The following LRP1B variants were observed in gnomAD, a reference collection of about 807,000 sequenced individuals.
LRP1B encodes low-density lipoprotein receptor-related protein 1B.
A neutral mutation model predicts 556.6 loss-of-function variants in LRP1B; 217 were observed. The observed-to-expected ratio is 0.39, with a 90% confidence interval of 0.35 to 0.44. The LOEUF is 0.44. LRP1B is among the 20% of genes least tolerant of loss of function. LRP1B has a pLI of 1.00. For synonymous variants in LRP1B, 2,047 were observed against 1,865.8 expected (o/e 1.10, Z -2.50); for missense variants, 5,053 against 5,620.8 (o/e 0.90, Z 3.23).
chr2:142,090,295 T>G (rs1287019164), intron 1 of LRP1B, among the ~76,000 whole-genome samples: 5 of 152,158 alleles, frequency 3.3e-5, no homozygotes, highest in African/African-American at 1.2e-4. Flanking sequence ...TTCAAGTTTA[T>G]ATGAGGATCA....
chr2:141,053,140 A>G (rs1004900315), intron 10 of LRP1B, among the ~76,000 whole-genome samples: 1 of 151,976 alleles, frequency 6.6e-6, no homozygotes, highest in Non-Finnish European at 1.5e-5. Context: ...GTCTTCTTGT[A>G]CTACAGACAA....
At chr2:142,035,115 CT>C (rs912064461) in intron 1 of LRP1B, among the ~76,000 whole-genome samples, 2 of 151,370 alleles carry the variant, frequency 1.3e-5, no homozygotes, top group African/African-American at 2.4e-5. Context: ...TTCAACATTT[CT>C]TTTTTTTAAC....
intron 25 of LRP1B, 152 bp from the exon 26 acceptor site, chr2:140,868,415 C>G: frequency 1.6e-6 from 1 of 609,606 alleles, no homozygotes; most frequent in East Asian, 3.1e-5. Flanking sequence ...GGCTTATGGT[C>G]CAGTGGAGGA....
intron 1 of LRP1B, among the ~76,000 whole-genome samples, chr2:141,879,516 T>C (rs1335869344): frequency 1.3e-5 from 2 of 151,974 alleles, no homozygotes; most frequent in Non-Finnish European, 2.9e-5. Flanking sequence ...GGATAAGGCA[T>C]GTAAAATTTG....
chr2:141,202,117 C>A lies in LRP1B; in HGVS notation c.851-13534G>T, dbSNP rs547483368. ...TTCTTCCTGATGCTCTCCCCCACAC[C>A]CATCCCTGACAGGCCTCAGTGTGTT... On this transcript the variant is annotated intron_variant, in intron 6 of 90. Transcript: ENST00000389484. 4.6e-5 allele frequency among the ~76,000 whole-genome samples: 7 copies of A among 152,242 alleles called. No homozygotes were observed. In the South Asian group the frequency reaches 1.5e-3, roughly 32 times the overall value.
chr2:140,742,887 A>G (rs1213999761), intron 35 of LRP1B, among the ~76,000 whole-genome samples: 3 of 152,212 alleles, frequency 2.0e-5, no homozygotes, highest in African/African-American at 7.2e-5. Context: ...ATACGTAACA[A>G]TTGGTAAGAA....
chr2:141,877,467 G>A (rs1698809469), intron 1 of LRP1B, among the ~76,000 whole-genome samples: 1 of 151,944 alleles, frequency 6.6e-6, no homozygotes, highest in Non-Finnish European at 1.5e-5. Flanking sequence ...AAGCAAATAT[G>A]TCTTCTATGT....
intron 21 of LRP1B, among the ~76,000 whole-genome samples, chr2:140,920,403 C>A (rs531499709): frequency 6.6e-6 from 1 of 151,936 alleles, no homozygotes; most frequent in South Asian, 2.1e-4. Flanking sequence ...ATTCTAATTA[C>A]CATATATAAA....
At chr2:140,966,027 G>A (rs1191403052) in intron 18 of LRP1B, among the ~76,000 whole-genome samples, 2 of 152,152 alleles carry the variant, frequency 1.3e-5, no homozygotes, top group Non-Finnish European at 2.9e-5. Flanking sequence ...GTGTGCATGT[G>A]TCTTTATAGA....
chr2:140,589,377 A>C (rs978125832), intron 43 of LRP1B, among the ~76,000 whole-genome samples: 1 of 151,906 alleles, frequency 6.6e-6, no homozygotes, highest in East Asian at 1.9e-4. Context: ...TCTGGAAAGC[A>C]GTTTGTCAGT....
chr2:140,674,846 C>A (rs1365948484), intron 41 of LRP1B, among the ~76,000 whole-genome samples: 1 of 152,218 alleles, frequency 6.6e-6, no homozygotes, highest in Non-Finnish European at 1.5e-5. Context: ...TTCCAGGATA[C>A]AAAATTCCTA....
At chr2:141,100,016 C>G (rs146531427) in intron 7 of LRP1B, among the ~76,000 whole-genome samples, 3 of 152,266 alleles carry the variant, frequency 2.0e-5, no homozygotes, top group Non-Finnish European at 4.4e-5. Flanking sequence ...ATAATGACCT[C>G]TATTTTTCCT....
At chr2:140,414,794 A>C (rs1317274480) in intron 66 of LRP1B, among the ~76,000 whole-genome samples, 1 of 152,154 alleles carries the variant, frequency 6.6e-6, no homozygotes, top group East Asian at 1.9e-4. Context: ...AAATCAGTGC[A>C]CCTTGAAAAA....
At chr2:141,628,239 T>C (rs1688773098) in intron 2 of LRP1B, among the ~76,000 whole-genome samples, 1 of 152,214 alleles carries the variant, frequency 6.6e-6, no homozygotes, top group African/African-American at 2.4e-5. Context: ...GAAAATCAAA[T>C]TGTGAGTACA....
chr2:141,956,636 T>C (rs866537930), intron 1 of LRP1B, among the ~76,000 whole-genome samples: 1 of 152,158 alleles, frequency 6.6e-6, no homozygotes, highest in African/African-American at 2.4e-5. Flanking sequence ...TTTTGTAGTA[T>C]AGATATTTAT....
intron 1 of LRP1B, among the ~76,000 whole-genome samples, chr2:142,012,057 G>T (rs1409696711): frequency 6.6e-6 from 1 of 151,984 alleles, no homozygotes; most frequent in Non-Finnish European, 1.5e-5. Context: ...TTTGCTAAGG[G>T]ATATTTGACT....
intron 60 of LRP1B, among the ~76,000 whole-genome samples, chr2:140,468,200 G>A (rs1032979034): frequency 6.6e-6 from 1 of 152,116 alleles, no homozygotes; most frequent in Admixed American, 6.5e-5. Context: ...GCCCAGCTGT[G>A]GCCCAAGCAG....
intron 6 of LRP1B, among the ~76,000 whole-genome samples, chr2:141,204,831 G>C (rs1682201723): frequency 6.6e-6 from 1 of 151,994 alleles, no homozygotes; most frequent in African/African-American, 2.4e-5. Flanking sequence ...CAACTATTTG[G>C]GAGGCTGAGG....
intron 1 of LRP1B, among the ~76,000 whole-genome samples, chr2:142,024,825 T>C (rs1271149260): frequency 1.3e-5 from 2 of 152,110 alleles, no homozygotes; most frequent in Non-Finnish European, 2.9e-5. Context: ...CATAAATATA[T>C]ATCTGGCTCC....
Sources: allele counts gnomAD v4.1 joint callset (sites outside exome capture counted in the v4.1 genomes callset), GRCh38; gene constraint gnomAD v4.1.1; transcripts MANE v1.5; gene names NCBI Gene and HGNC (gene_info 2026-07-23, HGNC 2026-07-21).